The following CLUH variants were observed in gnomAD, a reference collection of about 807,000 sequenced individuals.
CLUH encodes the protein clustered mitochondria protein homolog.
A neutral mutation model predicts 139.3 loss-of-function variants in CLUH; 77 were observed. The observed-to-expected ratio is 0.55, with a 90% confidence interval of 0.46 to 0.67. The LOEUF is 0.67. Among genes scored for constraint, CLUH ranks in the 30% least tolerant of loss-of-function variants. The pLI, the probability that CLUH is intolerant of heterozygous loss-of-function variation, is 0.00. For missense variants in CLUH, 1,876 were observed against 1,875.8 expected (o/e 1.00, Z 0.00); for synonymous variants, 999 against 801.6 (o/e 1.25, Z -4.16).
Position 2,690,652 on chromosome 17 carries a change from C to A in CLUH, c.3989G>T (p.Gly1330Val), listed in dbSNP as rs559628095. The A allele has an allele frequency of 6.5e-7, 1 of 1,537,168 alleles. No homozygotes were observed. Among genetic ancestry groups the A allele is most frequent in the South Asian group, 1.2e-5 (1 of 80,892 alleles). ...ATEPAPAGAP[G>V]DLGSQPPAAK... ...AGCCGGGGGCTGGGAGCCCAGGTCT[C>A]CTGGGGCCCCCGCTGGCGCGGGCTC... The change falls in exon 26 of 26, where the codon GGA (glycine) becomes GTA (valine). Residue 1330 changes from glycine to valine, a missense_variant. Transcript: ENST00000651024.
In CLUH at chr17:2,695,269, A is replaced by G. The variant is rs761574890; in HGVS notation, c.2556T>C (p.Ile852=). The G allele has an allele frequency of 1.9e-6, 3 of 1,613,738 alleles. No individual in the cohort carries two copies. In the African/African-American group the frequency reaches 4.0e-5, roughly 22 times the overall value. The change falls in exon 15 of 26, where the codon ATT becomes ATC. Residue 852 remains isoleucine, a synonymous_variant. Transcript: ENST00000651024. The stretch of plus-strand genomic sequence containing the variant: ...TGGCCGAGCGGGTGATGAGTTCTCC[A>G]ATGCCGATTTTCTGGAAGGATTCAG... The part of the protein sequence containing the change: ...HQLDHVFKIG[I]GELITRSAKH...
chr17:2,690,228 G>GA lies in CLUH; in HGVS notation c.*365dup, dbSNP rs989783683. 4 of 232,834 alleles carry GA rather than the reference G, an allele frequency of 1.7e-5. No homozygotes were observed. The highest frequency in any genetic ancestry group is 9.0e-5 in the African/African-American group (4 of 44,442). 14.4% of individuals were successfully genotyped at this position (232,834 alleles called of 1,614,324 possible). A position where few individuals can be genotyped will look rare whatever the true frequency, so the allele number is the denominator to read the frequency against. On this transcript the variant is annotated 3_prime_UTR_variant, in exon 26 of 26. Transcript: ENST00000651024. ...ACCCACTCAGGAGTCACCCACTCAG[G>GA]ACTGGCTCGGGCTATGTACAGGGGA... is the stretch of plus-strand genomic sequence containing the variant.
At position 2,694,110 on chromosome 17, in the gene CLUH, C is replaced by G. The variant is rs765918345; in HGVS notation, c.3091+13G>C. On this transcript the variant is annotated intron_variant, in intron 18 of 25. Transcript: ENST00000651024. ...GAACCCCCACCTCCACCCAGCCCCA[C>G]CTGGCCACACACCCTGCTGCACTTT... 42 of 1,613,856 alleles carry G rather than the reference C, an allele frequency of 2.6e-5. No individual in the cohort carries two copies. The highest frequency in any genetic ancestry group is 3.5e-5 in the Non-Finnish European group (41 of 1,179,884).
At position 2,698,369 on chromosome 17, in the gene CLUH, C is replaced by A. The variant is rs199687141; in HGVS notation, c.1488G>T (p.Thr496=). ...GCCCCTCCACGTCCACCGCGTTGTA[C>A]GTGCGGACGCCATTCAGGTCGTTGG... ...APTNDLNGVR[T]YNAVDVEGLY... The change falls in exon 10 of 26, where the codon ACG becomes ACT. Residue 496 remains threonine, a synonymous_variant. Transcript: ENST00000651024. 10 of 1,613,074 alleles carry A rather than the reference C, an allele frequency of 6.2e-6. No individual in the cohort carries two copies. In the South Asian group the frequency reaches 9.9e-5, roughly 16 times the overall value.
chr17:2,700,314 C>G, intron 9 of CLUH, 68 bp downstream of exon 9: 9 of 1,458,560 alleles, frequency 6.2e-6, no homozygotes, highest in Non-Finnish European at 8.4e-6. Flanking sequence ...TTCCTCCTCT[C>G]CATGAGAAAA....
At chr17:2,698,641 G>T in intron 9 of CLUH, 51 bp from the exon 10 acceptor site, 1 of 1,474,934 alleles carries the variant, frequency 6.8e-7, no homozygotes, top group Non-Finnish European at 9.0e-7. Context: ...ACAAGAGCCT[G>T]CATCCACCTG....
rs1264664929 is a variant in CLUH at position 2,692,672 on chromosome 17, C to A, written c.3337G>T (p.Ala1113Ser). Reference sequence around the variant, plus strand: ...AGGGCGGTGGACAGCTGGCTGCTGGCGAAGCAGTACAGGGCCAGGTGCATC... The same window carrying A: ...AGGGCGGTGGACAGCTGGCTGCTGGAGAAGCAGTACAGGGCCAGGTGCATC... ...EYMHLALYCF[A>S]SSQLSTALSL... The change falls in exon 21 of 26, where the codon GCC becomes TCC. Residue 1113 changes from alanine to serine, a missense_variant. Around this residue, in one of 3 missense-constraint regions of CLUH, gnomAD observed 1,454 missense variants for 1,384.4 expected, o/e 1.05. Coordinates refer to ENST00000651024, the MANE Select transcript of CLUH (RefSeq NM_001366661.1). 6.2e-7 allele frequency: 1 copy of A among 1,611,968 alleles called. No homozygotes were observed. Among genetic ancestry groups the A allele is most frequent in the Non-Finnish European group, 8.5e-7 (1 of 1,179,204 alleles).
intron 17 of CLUH, 23 bp from the exon 18 acceptor site, chr17:2,694,299 C>T (rs2069837677): frequency 1.3e-6 from 2 of 1,565,384 alleles, no homozygotes; most frequent in Non-Finnish European, 1.7e-6. Flanking sequence ...CCCCCCACCA[C>T]AGGAAGCCTC....
rs1266951736 is a variant in CLUH, at chr17:2,692,038, T to G, written c.3620A>C (p.His1207Pro). The change falls in exon 23 of 26, where the codon CAC becomes CCC. Residue 1207 changes from histidine (H) to proline (P), a missense_variant. By Grantham distance (77) the His-to-Pro change is moderately conservative (BLOSUM62 -2). This residue lies in a region of CLUH where 1,454 missense variants were observed against 1,384.4 expected (regional missense o/e 1.05). Coordinates refer to ENST00000651024, the MANE Select transcript of CLUH (RefSeq NM_001366661.1). Reference sequence around the variant, plus strand: ...GTAGATGGTGTAACCCTCCTTCTCGTGCTGCAGGGCCGACCGGAACTCAGC... The same window carrying G: ...GTAGATGGTGTAACCCTCCTTCTCGGGCTGCAGGGCCGACCGGAACTCAGC... ...SKAEFRSALQ[H>P]EKEGYTIYKT... The G allele has an allele frequency of 6.3e-7, 1 of 1,591,422 alleles. No individual in the cohort carries two copies. Among genetic ancestry groups the G allele is most frequent in the Non-Finnish European group, 8.6e-7 (1 of 1,169,214 alleles).
In CLUH at chr17:2,704,640, G is replaced by C; in HGVS notation, c.101-76C>G. On this transcript the variant is annotated intron_variant, in intron 1 of 25. Transcript: ENST00000651024. This position sits in a 1 kb window ranked among gnomAD's most constrained non-coding sequence, Gnocchi z 5.7. ...GGCTGTCCGCCTGACCCCACACGGGGACACGTGCCTTCTGGAAAGGCATCT... is the reference window on the plus strand; with the variant it reads ...GGCTGTCCGCCTGACCCCACACGGGCACACGTGCCTTCTGGAAAGGCATCT... The C allele has an allele frequency of 7.3e-7, 1 of 1,374,570 alleles. No homozygotes were observed. Among genetic ancestry groups the C allele is most frequent in the Non-Finnish European group, 9.8e-7 (1 of 1,024,936 alleles). 85.1% of individuals were successfully genotyped at this position (1,374,570 alleles called of 1,614,324 possible). A position where few individuals can be genotyped will look rare whatever the true frequency, so the allele number is the denominator to read the frequency against.
intron 23 of CLUH, 25 bp downstream of exon 23, chr17:2,691,979 C>CCCCGCCCCGCCCCCG (rs774888368): frequency 2.0e-5 from 14 of 709,438 alleles, no homozygotes; most frequent in Non-Finnish European, 2.2e-5. Context: ...CCCGCCCCCG[C>CCCCGCCCCGCCCCCG]CCCCGCCACG....
At chr17:2,709,966 C>A (rs113910193) in intron 1 of CLUH, among the ~76,000 whole-genome samples, 5,358 of 151,582 alleles carry the variant, frequency 0.035, 326 homozygotes, top group African/African-American at 0.12. Context: ...AGAGCCCCCC[C>A]ACCCCCAGCA....
chr17:2,709,943 G>A (rs908604615), intron 1 of CLUH, among the ~76,000 whole-genome samples: 4 of 151,998 alleles, frequency 2.6e-5, no homozygotes, highest in Non-Finnish European at 4.4e-5. Context: ...CCCTGACTCA[G>A]TTTACCCCCG....
In CLUH at chr17:2,698,243, G is replaced by A. The variant is rs1204324596; in HGVS notation, c.1614C>T (p.Val538=). 1.2e-6 allele frequency: 2 copies of A among 1,602,150 alleles called. No homozygotes were observed. The highest frequency in any genetic ancestry group is 1.7e-6 in the Non-Finnish European group (2 of 1,175,068). ...TGCCGAAGTCGATGGAGCCGTAGAT[G>A]ACGCTCTGCTCCTGGTCCCGCTCCA... is the stretch of plus-strand genomic sequence containing the variant. The part of the protein sequence containing the change: ...GILERDQEQS[V]IYGSIDFGKT... The change falls in exon 10 of 26, where the codon GTC becomes GTT. Residue 538 remains valine, a synonymous_variant. Transcript: ENST00000651024.
rs2070296332 is a variant in CLUH, at chr17:2,704,672, C to T, written c.101-108G>A. The T allele has an allele frequency of 9.4e-7, 1 of 1,059,562 alleles. No individual in the cohort carries two copies. The allele number at this position is 1,059,562 out of a possible 1,614,324, so 65.6% of individuals were successfully genotyped here. ...GCCTTCTGGAAAGGCATCTGCATGCCCTCGAGAGTCCCAGCCTCACGGTCG... is the reference window on the plus strand; with the variant it reads ...GCCTTCTGGAAAGGCATCTGCATGCTCTCGAGAGTCCCAGCCTCACGGTCG... On this transcript the variant is annotated intron_variant, in intron 1 of 25. Transcript: ENST00000651024. The surrounding 1 kb of genome is among the most constrained non-coding windows in gnomAD (Gnocchi z 5.7).
rs545168241 is a variant in CLUH, at chr17:2,711,719, C to G, written c.-58G>C. 3 of 743,210 alleles carry G rather than the reference C, an allele frequency of 4.0e-6. No homozygotes were observed. In the East Asian group the frequency reaches 3.9e-4, roughly 97 times the overall value. 46.0% of individuals were successfully genotyped at this position (743,210 alleles called of 1,614,324 possible). A position where few individuals can be genotyped will look rare whatever the true frequency, so the allele number is the denominator to read the frequency against. On this transcript the variant is annotated 5_prime_UTR_variant, in exon 1 of 26. Transcript: ENST00000651024. Reference sequence around the variant, plus strand: ...CGCGCCGCCCGCCGCGCCACTAACCCAAGTGCCCTGCGCGCCGCGGCTGCT... The same window carrying G: ...CGCGCCGCCCGCCGCGCCACTAACCGAAGTGCCCTGCGCGCCGCGGCTGCT...
At chr17:2,691,956 GCC>G in intron 23 of CLUH, 46 bp downstream of exon 23, 3 of 440,040 alleles carry the variant, frequency 6.8e-6, no homozygotes, top group Admixed American at 1.6e-4. Flanking sequence ...CCCCCGCCCC[GCC>G]ACGCCCCCGC....
In CLUH at chr17:2,698,123, G is replaced by C. The variant is rs780812466; in HGVS notation, c.1734C>G (p.Asp578Glu). Reference protein sequence around the residue: ...ILRHQVLNDRDEEVELCSSVE... With the variant: ...ILRHQVLNDREEEVELCSSVE... ...CCGAGGAGCAGAGCTCCACCTCCTC[G>C]TCACGGTCGTTGAGCACCTGGTGCC... Residue 578 changes from aspartate to glutamate, a missense_variant, in exon 10 of 26, where the codon GAC becomes GAG. By Grantham distance (45) the Asp-to-Glu change is conservative. Around this residue, in one of 3 missense-constraint regions of CLUH, gnomAD observed 1,454 missense variants for 1,384.4 expected, o/e 1.05. Transcript: ENST00000651024. 1.3e-6 allele frequency: 2 copies of C among 1,593,116 alleles called. No individual in the cohort carries two copies. Among genetic ancestry groups the C allele is most frequent in the East Asian group, 2.3e-5 (1 of 43,686 alleles).
In CLUH at chr17:2,707,043, T is replaced by G. The variant is rs147481752; in HGVS notation, c.101-2479A>C. Reference sequence around the variant, plus strand: ...TGCAGCTGGCTCCCAAGGGGCCTCCTCTCCCCAGGACAGCATGTTTTACCC... The same window carrying G: ...TGCAGCTGGCTCCCAAGGGGCCTCCGCTCCCCAGGACAGCATGTTTTACCC... On this transcript the variant is annotated intron_variant, in intron 1 of 25. Transcript: ENST00000651024. The surrounding 1 kb of genome is among the most constrained non-coding windows in gnomAD (Gnocchi z 7.4). 383 of 401,230 alleles carry G rather than the reference T, an allele frequency of 9.5e-4. 2 individuals are homozygous for G. The highest frequency in any genetic ancestry group is 5.1e-3 in the Middle Eastern group (4 of 788). 24.9% of individuals were successfully genotyped at this position (401,230 alleles called of 1,614,324 possible).
Sources: allele counts gnomAD v4.1 joint callset (sites outside exome capture counted in the v4.1 genomes callset), GRCh38; gene constraint gnomAD v4.1.1; regional missense constraint gnomAD v4.1.1; non-coding constraint Gnocchi (gnomAD v3.1); transcripts MANE v1.5; gene names NCBI Gene and HGNC (gene_info 2026-07-23, HGNC 2026-07-21).